Variants in DNAAF1 observed in about 807,000 individuals in gnomAD.
The protein encoded by DNAAF1 is dynein assembly factor 1, axonemal.
A neutral mutation model predicts 71.1 loss-of-function variants in DNAAF1; 65 were observed. The observed-to-expected ratio is 0.91, with a 90% confidence interval of 0.75 to 1.12. The LOEUF is 1.12. DNAAF1 is among the 50% of genes most tolerant of loss of function. The probability of loss-of-function intolerance (pLI) is 0.00; values close to 1 mark genes in which losing one functional copy is unlikely to be tolerated. For synonymous variants in DNAAF1, 414 were observed against 354.6 expected, an observed-to-expected ratio of 1.17 and a Z score of -1.88; for missense variants, 1,178 against 899.8, an observed-to-expected ratio of 1.31 and a Z score of -3.96.
intron 7 of DNAAF1, among the ~76,000 whole-genome samples, chr16:84,166,721 G>C (rs971311749): frequency 6.6e-6 from 1 of 152,190 alleles, no homozygotes; most frequent in Non-Finnish European, 1.5e-5. Flanking sequence ...TCCATCTGCA[G>C]TTGGCCTCAC....
In DNAAF1 at chr16:84,149,060, A is replaced by G; in HGVS notation, c.178A>G (p.Ser60Gly). 1 of 1,614,174 alleles carries G rather than the reference A, an allele frequency of 6.2e-7. No individual in the cohort carries two copies. The highest frequency in any genetic ancestry group is 8.5e-7 in the Non-Finnish European group (1 of 1,180,024). The change falls in exon 2 of 12, where the codon AGC becomes GGC. Residue 60 changes from serine (S) to glycine (G), a missense_variant. Coordinates refer to ENST00000378553, the MANE Select transcript of DNAAF1 (RefSeq NM_178452.6). Reference sequence around the variant, plus strand: ...GGGTTCTTCTGACACATCCTACCACAGCCAGCAGAAACAGAGTGGTGATAA... The same window carrying G: ...GGGTTCTTCTGACACATCCTACCACGGCCAGCAGAAACAGAGTGGTGATAA... Reference protein sequence around the residue: ...CVGSSDTSYHSQQKQSGDNGS... With the variant: ...CVGSSDTSYHGQQKQSGDNGS...
chr16:84,177,499 T>C (rs1380641774), intron 11 of DNAAF1: 1 of 457,754 alleles, frequency 2.2e-6, no homozygotes, highest in Non-Finnish European at 4.1e-6. Context: ...CAGCTAATCT[T>C]TGTATTTTTA....
Position 84,151,922 on chromosome 16 carries a change from G to A in DNAAF1, c.352+1580G>A, listed in dbSNP as rs145954191. Among the ~76,000 whole-genome samples the A allele has an allele frequency of 3.2e-3, 489 of 152,334 alleles. 4 individuals are homozygous for A. The highest frequency in any genetic ancestry group is 0.011 in the South Asian group (54 of 4,828). ...AAGGAAGCAAGGCCAAGACAAAAGT[G>A]GAGGTGACACTTCATCACTCCATTG... On this transcript the variant is annotated intron_variant, in intron 3 of 11. Transcript: ENST00000378553.
In DNAAF1 at chr16:84,176,246, C is replaced by T. The variant is rs1597498231; in HGVS notation, c.2012C>T (p.Pro671Leu). 6.2e-7 allele frequency: 1 copy of T among 1,613,722 alleles called. No individual in the cohort carries two copies. Among genetic ancestry groups the T allele is most frequent in the Non-Finnish European group, 8.5e-7 (1 of 1,180,032 alleles). ...MPPTCQRDAA[P>L]LTSSGDRDSD... Reference sequence around the variant, plus strand: ...CCCACCTGCCAAAGAGATGCTGCACCACTCACTTCCAGTGGAGACAGGGAC... The same window carrying T: ...CCCACCTGCCAAAGAGATGCTGCACTACTCACTTCCAGTGGAGACAGGGAC... Residue 671 changes from proline (P) to leucine (L), a missense_variant, in exon 11 of 12, where the codon CCA becomes CTA. Physicochemically the swap from Pro to Leu is moderately conservative, Grantham distance 98. Coordinates refer to ENST00000378553, the MANE Select transcript of DNAAF1 (RefSeq NM_178452.6).
chr16:84,176,025 C>CACGTCA lies in DNAAF1; in HGVS notation c.1791_1792insACGTCA (p.Asn597_Leu598insThrSer). Reference sequence around the variant, plus strand: ...ACACGTCACTCCCTGTGCTGGAAAACCTCCCCACAGACACTCTGTCAAATA... The same window carrying CACGTCA: ...ACACGTCACTCCCTGTGCTGGAAAACACGTCACTCCCCACAGACACTCTGTCAAATA... On this transcript the variant is annotated inframe_insertion, in exon 11 of 12. Transcript: ENST00000378553. 2 of 1,614,188 alleles carry CACGTCA rather than the reference C, an allele frequency of 1.2e-6. No homozygotes were observed. Among genetic ancestry groups the CACGTCA allele is most frequent in the Non-Finnish European group, 1.7e-6 (2 of 1,180,030 alleles).
chr16:84,176,220 C>T lies in DNAAF1; in HGVS notation c.1986C>T (p.Pro662=), dbSNP rs371049798. 1 of 1,613,704 alleles carries T rather than the reference C, an allele frequency of 6.2e-7. No individual in the cohort carries two copies. Among genetic ancestry groups the T allele is most frequent in the South Asian group, 1.1e-5 (1 of 91,088 alleles). ...DEDPSGQLLM[P]PTCQRDAAPL... The stretch of plus-strand genomic sequence containing the variant: ...ACCCCTCTGGCCAGCTACTGATGCC[C>T]CCCACCTGCCAAAGAGATGCTGCAC... The change falls in exon 11 of 12, where the codon CCC becomes CCT. Residue 662 remains proline, a synonymous_variant. Transcript: ENST00000378553.
At chr16:84,147,722 A>T (rs2086977350) in intron 1 of DNAAF1, among the ~76,000 whole-genome samples, 1 of 151,948 alleles carries the variant, frequency 6.6e-6, no homozygotes, top group Non-Finnish European at 1.5e-5. Context: ...TATCATATTT[A>T]TTTGAAGTCT....
intron 10 of DNAAF1, 178 bp downstream of exon 10, chr16:84,174,900 G>T: frequency 1.3e-6 from 1 of 776,344 alleles, no homozygotes; most frequent in African/African-American, 1.7e-5. Context: ...CTGTCACCCA[G>T]GCTGCAGTGC....
chr16:84,172,385 G>A lies in DNAAF1; in HGVS notation c.1644+10G>A. Reference sequence around the variant, plus strand: ...GACATTCTGCATTGATGTACATGAAGTATTTAATCTTGGAGATAAGTATCA... The same window carrying A: ...GACATTCTGCATTGATGTACATGAAATATTTAATCTTGGAGATAAGTATCA... On this transcript the variant is annotated intron_variant, in intron 9 of 11. Coordinates refer to ENST00000378553, the MANE Select transcript of DNAAF1 (RefSeq NM_178452.6). The A allele has an allele frequency of 1.2e-6, 2 of 1,613,662 alleles. No individual in the cohort carries two copies. The highest frequency in any genetic ancestry group is 8.5e-7 in the Non-Finnish European group (1 of 1,179,752).
intron 11 of DNAAF1, chr16:84,177,178 CT>C (rs2088747391): frequency 5.4e-6 from 1 of 185,266 alleles, no homozygotes; most frequent in African/African-American, 2.4e-5. Context: ...ACTGAGTGGC[CT>C]TCTCTTCCAC....
At position 84,172,283 on chromosome 16, in the gene DNAAF1, A is replaced by G; in HGVS notation, c.1552A>G (p.Thr518Ala). ...AGAACCGACTCCCCAGGCTGTGGCCACTGAGGGTGTATTCGTTACAGAACT... is the reference window on the plus strand; with the variant it reads ...AGAACCGACTCCCCAGGCTGTGGCCGCTGAGGGTGTATTCGTTACAGAACT... ...REEPTPQAVATEGVFVTELDG... is the reference protein window; with the variant it reads ...REEPTPQAVAAEGVFVTELDG... The change falls in exon 9 of 12, where the codon ACT (threonine) becomes GCT (alanine). Residue 518 changes from threonine to alanine, a missense_variant. Physicochemically the swap from Thr to Ala is moderately conservative, Grantham distance 58 (BLOSUM62 0). Coordinates refer to ENST00000378553, the MANE Select transcript of DNAAF1 (RefSeq NM_178452.6). The G allele has an allele frequency of 6.2e-7, 1 of 1,614,192 alleles. No homozygotes were observed. The highest frequency in any genetic ancestry group is 8.5e-7 in the Non-Finnish European group (1 of 1,180,036).
At chr16:84,149,163 T>C in intron 2 of DNAAF1, 21 bp downstream of exon 2, 1 of 1,613,574 alleles carries the variant, frequency 6.2e-7, no homozygotes, top group East Asian at 2.2e-5. Flanking sequence ...ATACTCCTAA[T>C]TAGTGCACAT....
intron 6 of DNAAF1, among the ~76,000 whole-genome samples, chr16:84,160,249 T>G (rs1203825175): frequency 6.6e-6 from 1 of 152,244 alleles, no homozygotes; most frequent in Non-Finnish European, 1.5e-5. Flanking sequence ...TTTGGATAAT[T>G]GATGAAGTTG....
At chr16:84,175,645 C>A in intron 10 of DNAAF1, 1 of 449,680 alleles carries the variant, frequency 2.2e-6, no homozygotes, top group Non-Finnish European at 4.1e-6. Flanking sequence ...GCATGCCAAG[C>A]AGAGCCCAGG....
intron 11 of DNAAF1, chr16:84,177,424 C>T (rs569488867): frequency 1.6e-4 from 58 of 372,616 alleles, no homozygotes; most frequent in African/African-American, 1.1e-3. Flanking sequence ...TACAGGCACC[C>T]GTCAAGGGAT....
At chr16:84,167,821 G>C (rs1400918502) in intron 7 of DNAAF1, among the ~76,000 whole-genome samples, 2 of 152,080 alleles carry the variant, frequency 1.3e-5, no homozygotes, top group Non-Finnish European at 2.9e-5. Flanking sequence ...TTGGAGACCA[G>C]CCTGAACAAC....
rs2151235026 is a variant in DNAAF1 at position 84,159,805 on chromosome 16, A to T, written c.863+9A>T. 3 of 1,613,544 alleles carry T rather than the reference A, an allele frequency of 1.9e-6. No homozygotes were observed. The South Asian group carries it at 3.3e-5, about 18-fold the overall frequency. ...GTGTTTCCAAAGGACAGGTAAGAAG[A>T]GAAAAGCCTTCTGATCACATTTTAA... On this transcript the variant is annotated intron_variant, in intron 6 of 11. Transcript: ENST00000378553.
intron 8 of DNAAF1, among the ~76,000 whole-genome samples, chr16:84,170,663 C>A (rs1386643216): frequency 1.3e-5 from 2 of 151,960 alleles, no homozygotes; most frequent in Non-Finnish European, 2.9e-5. Context: ...GAGACCTCAT[C>A]CCTACCAAAA....
In DNAAF1 at chr16:84,169,985, A is replaced by C. The variant is rs2088237186; in HGVS notation, c.1157A>C (p.Lys386Thr). The C allele has an allele frequency of 6.2e-7, 1 of 1,613,924 alleles. No individual in the cohort carries two copies. The highest frequency in any genetic ancestry group is 1.3e-5 in the African/African-American group (1 of 74,944). ...ELFVKESFEA[K>T]DELCPEKPSG... ...TTTGTTAAGGAAAGCTTTGAGGCCAAGGACGAGCTCTGCCCGGAAAAGCCA... is the reference window on the plus strand; with the variant it reads ...TTTGTTAAGGAAAGCTTTGAGGCCACGGACGAGCTCTGCCCGGAAAAGCCA... Residue 386 changes from lysine to threonine, a missense_variant, in exon 8 of 12, where the codon AAG becomes ACG. Transcript: ENST00000378553.
Sources: gnomAD v4.1 joint callset for allele counts (sites outside exome capture counted in the v4.1 genomes callset) on GRCh38, gnomAD v4.1.1 for gene constraint, MANE v1.5 for transcripts, NCBI Gene and HGNC (gene_info 2026-07-23, HGNC 2026-07-21) for gene names.